The following RUBCN variants were observed in gnomAD, a reference collection of about 807,000 sequenced individuals.
RUBCN encodes the protein run domain Beclin-1-interacting and cysteine-rich domain-containing protein.
A neutral mutation model predicts 113.2 loss-of-function variants in RUBCN; 74 were observed. The ratio of observed to expected loss-of-function variants is 0.65; its 90% CI spans 0.54 to 0.79. The LOEUF is 0.79. Ranked by LOEUF, RUBCN falls within the 30% of genes least tolerant of loss-of-function variation. The pLI is 0.00. For missense variants in RUBCN, 1,109 were observed against 1,251.7 expected, an observed-to-expected ratio of 0.89 and a Z score of 1.72; for synonymous variants, 480 against 490.0, an observed-to-expected ratio of 0.98 and a Z score of 0.27.
chr3:197,726,014 C>T (rs1401167315), intron 1 of RUBCN, among the ~76,000 whole-genome samples: 1 of 152,170 alleles, frequency 6.6e-6, no homozygotes, highest in African/African-American at 2.4e-5. Context: ...TGCCTGTTCT[C>T]ACCCCATTCA....
At chr3:197,737,025 C>G (rs1052522366), upstream of RUBCN, 2 of 993,502 alleles carry the variant, frequency 2.0e-6, no homozygotes, top group South Asian at 2.7e-5. Flanking sequence ...CAACGGCAGG[C>G]CGCTCCCGCA....
chr3:197,685,566 A>C (rs1331662813), intron 11 of RUBCN, among the ~76,000 whole-genome samples: 1 of 152,238 alleles, frequency 6.6e-6, no homozygotes, highest in African/African-American at 2.4e-5. Context: ...ACAAACATAT[A>C]CTCAAATAAC....
At chr3:197,679,702 T>C (rs561333540) in intron 16 of RUBCN, among the ~76,000 whole-genome samples, 2 of 146,488 alleles carry the variant, frequency 1.4e-5, no homozygotes, top group African/African-American at 5.2e-5. Context: ...TCCTATGCTC[T>C]AACTGACAAC....
In RUBCN at chr3:197,736,796, TG is replaced by T; in HGVS notation, c.-78del. The T allele has an allele frequency of 6.7e-7, 1 of 1,482,844 alleles. No homozygotes were observed. Among genetic ancestry groups the T allele is most frequent in the Non-Finnish European group, 8.9e-7 (1 of 1,124,062 alleles). 91.9% of individuals were successfully genotyped at this position (1,482,844 alleles called of 1,614,324 possible). On this transcript the variant is annotated 5_prime_UTR_variant, in exon 1 of 20. Coordinates refer to ENST00000296343, the MANE Select transcript of RUBCN (RefSeq NM_014687.4). ...GCCCTTCAGGGCTCCCGGGGCCCCC[TG>T]GGGCCGGAGGAGGCACCTGCGGCCG... is the stretch of plus-strand genomic sequence containing the variant.
chr3:197,682,722 G>GT, intron 13 of RUBCN, 107 bp from the exon 14 acceptor site: 3 of 1,463,036 alleles, frequency 2.1e-6, no homozygotes, highest in Non-Finnish European at 2.9e-6. Flanking sequence ...CACAGTTGGG[G>GT]TAAGTTCACA....
chr3:197,736,561 C>T (rs1728153040), intron 1 of RUBCN, 94 bp downstream of exon 1: 2 of 1,294,716 alleles, frequency 1.5e-6, no homozygotes, highest in Admixed American at 3.9e-5. Flanking sequence ...ACTCGTCGCG[C>T]CCGGCCCTTC....
intron 9 of RUBCN, 86 bp from the exon 10 acceptor site, chr3:197,694,671 G>T: frequency 8.3e-7 from 1 of 1,211,772 alleles, no homozygotes; most frequent in Non-Finnish European, 1.2e-6. Context: ...GAGTTTCCAA[G>T]ATAGGAACTG....
chr3:197,747,389 T>A (rs908185552), intron 1 of RUBCN, among the ~76,000 whole-genome samples: 1 of 147,964 alleles, frequency 6.8e-6, no homozygotes, highest in African/African-American at 2.5e-5. Context: ...TAAAAGAGAA[T>A]CTTTTTTTTT....
chr3:197,691,295 G>A (rs1482642218), intron 11 of RUBCN: 5 of 420,822 alleles, frequency 1.2e-5, no homozygotes, highest in Admixed American at 7.9e-5. Context: ...TTGGGTAGGT[G>A]CTCACTCTAG....
chr3:197,670,380 T>C lies in RUBCN; in HGVS notation c.*4638A>G, dbSNP rs1272628169. Among the ~76,000 whole-genome samples the C allele has an allele frequency of 6.6e-6, 1 of 152,248 alleles. No homozygotes were observed. The highest frequency in any genetic ancestry group is 1.5e-5 in the Non-Finnish European group (1 of 68,048). On this transcript the variant is annotated 3_prime_UTR_variant, in exon 20 of 20. Coordinates refer to ENST00000296343, the MANE Select transcript of RUBCN (RefSeq NM_014687.4). ...TAGATGTTTGGGATTGACGGATGAT[T>C]GAATGAATAAATAAATGCTGGGCTG...
chr3:197,712,474 C>T (rs1725063171), intron 2 of RUBCN, among the ~76,000 whole-genome samples: 1 of 152,208 alleles, frequency 6.6e-6, no homozygotes, highest in Non-Finnish European at 1.5e-5. Flanking sequence ...GGTGATGACG[C>T]AGCAGCCTGA....
rs1020571430 is a variant in RUBCN at position 197,736,842 on chromosome 3, C to G, written c.-123G>C. On this transcript the variant is annotated 5_prime_UTR_variant, in exon 1 of 20. Transcript: ENST00000296343. Reference sequence around the variant, plus strand: ...CGGCCGGTGGGCTCCGGGTGATGCGCTACACCCGGGCGGCGACAGCGGGAG... The same window carrying G: ...CGGCCGGTGGGCTCCGGGTGATGCGGTACACCCGGGCGGCGACAGCGGGAG... The G allele has an allele frequency of 4.4e-5, 62 of 1,393,606 alleles. No homozygotes were observed. The highest frequency in any genetic ancestry group is 5.2e-5 in the Non-Finnish European group (56 of 1,082,132). 86.3% of individuals were successfully genotyped at this position (1,393,606 alleles called of 1,614,324 possible).
At position 197,683,649 on chromosome 3, in the gene RUBCN, A is replaced by G. The variant is rs1235737775; in HGVS notation, c.1848-210T>C. The stretch of plus-strand genomic sequence containing the variant: ...TTCGGTTCAAGCCCCACTTCCTGCC[A>G]CTGCACGGCACTGCTAATGAAGGAC... On this transcript the variant is annotated intron_variant, in intron 12 of 19. Transcript: ENST00000296343. This position sits in a 1 kb window ranked among gnomAD's most constrained non-coding sequence, Gnocchi z 4.6. Among the ~76,000 whole-genome samples the G allele has an allele frequency of 2.0e-5, 3 of 152,210 alleles. No homozygotes were observed. The highest frequency in any genetic ancestry group is 4.4e-5 in the Non-Finnish European group (3 of 68,034).
exon 1 of RUBCN, chr3:197,749,336 A>T: frequency 1.7e-6 from 2 of 1,152,418 alleles, no homozygotes; most frequent in Non-Finnish European, 2.2e-6. Flanking sequence ...GAGAGTGCCG[A>T]TTGAGAGAAG....
intron 1 of RUBCN, among the ~76,000 whole-genome samples, chr3:197,727,545 AGTTTG>A (rs1424435137): frequency 2.0e-5 from 3 of 152,216 alleles, no homozygotes; most frequent in Non-Finnish European, 4.4e-5. Flanking sequence ...AGCATAATGA[AGTTTG>A]GTTACAGTGT....
intron 1 of RUBCN, among the ~76,000 whole-genome samples, chr3:197,749,038 G>A (rs1465488050): frequency 2.6e-5 from 4 of 152,236 alleles, no homozygotes; most frequent in African/African-American, 9.6e-5. Context: ...GTATGAGGGT[G>A]ATATAACCTA....
chr3:197,674,486 C>A lies in RUBCN; in HGVS notation c.*532G>T, dbSNP rs372356796. On this transcript the variant is annotated 3_prime_UTR_variant, in exon 20 of 20. Coordinates refer to ENST00000296343, the MANE Select transcript of RUBCN (RefSeq NM_014687.4). ...CCCCCAAAATACCCAAATAAGTGGA[C>A]GAAATGCCCATGACGTAGTCCTATT... is the stretch of plus-strand genomic sequence containing the variant. 2.1e-6 allele frequency: 1 copy of A among 472,018 alleles called. No homozygotes were observed. Among genetic ancestry groups the A allele is most frequent in the Non-Finnish European group, 4.4e-6 (1 of 229,096 alleles). The allele number at this position is 472,018 out of a possible 1,614,324, so 29.2% of individuals were successfully genotyped here. A position where few individuals can be genotyped will look rare whatever the true frequency, so the allele number is the denominator to read the frequency against.
chr3:197,713,949 C>T lies in RUBCN; in HGVS notation c.219+4028G>A, dbSNP rs1220736808. 9.2e-5 allele frequency among the ~76,000 whole-genome samples: 14 copies of T among 151,750 alleles called. No individual in the cohort carries two copies. In the South Asian group the frequency reaches 1.5e-3, roughly 16 times the overall value. ...AAAATTAGCCGGGCGTGGTGGCGGG[C>T]GCTGTAGTCCCAGCTACTCGGGAGG... is the stretch of plus-strand genomic sequence containing the variant. On this transcript the variant is annotated intron_variant, in intron 2 of 19. Coordinates refer to ENST00000296343, the MANE Select transcript of RUBCN (RefSeq NM_014687.4).
chr3:197,728,931 T>A (rs904472891), intron 1 of RUBCN, among the ~76,000 whole-genome samples: 5 of 152,094 alleles, frequency 3.3e-5, no homozygotes, highest in Admixed American at 3.3e-4. Context: ...TGGGTGAGTG[T>A]GCCATGGTTT....
Sources: allele counts gnomAD v4.1 joint callset (sites outside exome capture counted in the v4.1 genomes callset), GRCh38; gene constraint gnomAD v4.1.1; non-coding constraint Gnocchi (gnomAD v3.1); transcripts MANE v1.5; gene names NCBI Gene and HGNC (gene_info 2026-07-23, HGNC 2026-07-21).